CRADD: variants seen among roughly 807,000 people sequenced by gnomAD.
CRADD encodes the protein CARD and death domain containing adaptor protein, also known as death domain-containing protein CRADD.
Under a neutral mutation model 15.5 loss-of-function variants are expected in CRADD, and 9 were observed. The ratio of observed to expected loss-of-function variants is 0.58; its 90% CI spans 0.35 to 1.01. CRADD has a LOEUF of 1.01. CRADD is among the 50% of genes least tolerant of loss of function. CRADD has a pLI of 0.02. For missense variants in CRADD, 227 were observed against 250.3 expected (o/e 0.91, Z 0.63); for synonymous variants, 118 against 107.6 (o/e 1.10, Z -0.60).
intron 2 of CRADD, among the ~76,000 whole-genome samples, chr12:93,829,752 G>A (rs1410949153): frequency 6.6e-6 from 1 of 152,106 alleles, no homozygotes; most frequent in Non-Finnish European, 1.5e-5. Context: ...GAGTGCAATG[G>A]CATGATCTTG....
At chr12:93,735,583 G>A (rs968380121) in intron 2 of CRADD, 1 of 152,136 alleles carries the variant, frequency 6.6e-6, no homozygotes, top group Non-Finnish European at 1.5e-5. Flanking sequence ...CTGACTTCTT[G>A]TGTTCTTCAT....
At chr12:93,795,630 T>C (rs1957406212) in intron 2 of CRADD, among the ~76,000 whole-genome samples, 1 of 152,214 alleles carries the variant, frequency 6.6e-6, no homozygotes, top group South Asian at 2.1e-4. Context: ...TAAGACTCAC[T>C]TGTTTCTTCT....
In CRADD at chr12:93,867,399, ATATATT is replaced by A. The variant is rs1188269120; in HGVS notation, c.299-26649_299-26644del. ...CAAGTTGTATTTGACATATATATAT[ATATATT>A]TTTTAAACTTGGAAGTCCAAGATCA... On this transcript the variant is annotated intron_variant, in intron 2 of 2. Coordinates refer to the CRADD transcript ENST00000548483. Among the ~76,000 whole-genome samples, 2 of 138,266 alleles carry A rather than the reference ATATATT, an allele frequency of 1.4e-5. 1 individual carries two copies. Among genetic ancestry groups the A allele is most frequent in the Non-Finnish European group, 3.2e-5 (2 of 62,398 alleles). The allele number at this position is 138,266 out of a possible 152,430, so 90.7% of individuals were successfully genotyped here.
chr12:93,747,457 TTTC>T lies in CRADD; in HGVS notation c.298+68394_298+68396del, dbSNP rs202169638. On this transcript the variant is annotated intron_variant, in intron 2 of 2. Coordinates refer to ENST00000332896, the MANE Select transcript of CRADD (RefSeq NM_003805.5). ...TCTCTTTTTTTCCTTCCTCTTAATT[TTTC>T]TTCTTCTTTTTTTTTTTTCAGATGT... Among the ~76,000 whole-genome samples, 175 of 152,080 alleles carry T rather than the reference TTTC, an allele frequency of 1.2e-3. No individual in the cohort carries two copies. In the East Asian group the frequency reaches 0.014, roughly 12 times the overall value.
intron 2 of CRADD, among the ~76,000 whole-genome samples, chr12:93,773,104 A>G (rs552910848): frequency 1.3e-5 from 2 of 152,318 alleles, no homozygotes; most frequent in Admixed American, 1.3e-4. Flanking sequence ...AAATAGTAAT[A>G]TTTACCAGTC....
At chr12:93,697,879 G>A (rs190669083) in intron 2 of CRADD, among the ~76,000 whole-genome samples, 1 of 152,294 alleles carries the variant, frequency 6.6e-6, no homozygotes, top group East Asian at 1.9e-4. Context: ...CATGTGGATG[G>A]TTGTGGGGAA....
rs115096783 is a variant in CRADD at position 93,800,502 on chromosome 12, C to T, written c.299-49468C>T. On this transcript the variant is annotated intron_variant, in intron 2 of 2. Transcript: ENST00000332896. ...GTGGGAGATGACTGGATCATGGGGA[C>T]GGTTCCCCCATGTTGTTCTTGTGAT... is the stretch of plus-strand genomic sequence containing the variant. Among the ~76,000 whole-genome samples the T allele has an allele frequency of 9.6e-3, 1,459 of 152,166 alleles. 19 individuals carry two copies. The highest frequency in any genetic ancestry group is 0.033 in the African/African-American group (1,356 of 41,490).
At chr12:93,782,162 C>T (rs967976082) in intron 2 of CRADD, among the ~76,000 whole-genome samples, 1 of 152,048 alleles carries the variant, frequency 6.6e-6, no homozygotes, top group African/African-American at 2.4e-5. Flanking sequence ...ACTATGCAGC[C>T]ATAAAAATGA....
chr12:93,877,665 ACCTATGTTTT>A (rs1958466736), intron 2 of CRADD, among the ~76,000 whole-genome samples: 1 of 152,112 alleles, frequency 6.6e-6, no homozygotes, highest in Non-Finnish European at 1.5e-5. Flanking sequence ...CCAGACTACC[ACCTATGTTTT>A]CTTAAGGCTC....
intron 2 of CRADD, among the ~76,000 whole-genome samples, chr12:93,776,618 G>A (rs1031824884): frequency 2.0e-5 from 3 of 152,168 alleles, no homozygotes; most frequent in Non-Finnish European, 4.4e-5. Context: ...AAAAACTTGT[G>A]CATAGCAGCA....
chr12:93,693,494 CAA>C (rs1448189454), intron 2 of CRADD, among the ~76,000 whole-genome samples: 2 of 151,704 alleles, frequency 1.3e-5, no homozygotes, highest in Non-Finnish European at 2.9e-5. Context: ...TCAAAAGAGA[CAA>C]AGAGGGTCAT....
chr12:93,812,831 T>G (rs1337923032), intron 2 of CRADD, among the ~76,000 whole-genome samples: 3 of 152,232 alleles, frequency 2.0e-5, no homozygotes, highest in Non-Finnish European at 4.4e-5. Flanking sequence ...AAAATTCAGG[T>G]CTGGACTTGG....
At chr12:93,743,857 A>G (rs1030789055) in intron 2 of CRADD, among the ~76,000 whole-genome samples, 4 of 152,074 alleles carry the variant, frequency 2.6e-5, no homozygotes, top group African/African-American at 9.7e-5. Context: ...TTTTTATTTT[A>G]AAAATTCCTT....
intron 2 of CRADD, among the ~76,000 whole-genome samples, chr12:93,721,982 T>C (rs1956273864): frequency 2.0e-5 from 3 of 152,238 alleles, no homozygotes; most frequent in Admixed American, 2.0e-4. Flanking sequence ...ATTATTTTCC[T>C]TCTCTCAAAA....
intron 2 of CRADD, among the ~76,000 whole-genome samples, chr12:93,794,403 G>T (rs916206381): frequency 6.7e-6 from 1 of 149,156 alleles, no homozygotes; most frequent in Non-Finnish European, 1.5e-5. Flanking sequence ...CTCACCTCTT[G>T]GTACCCCCAT....
At chr12:93,703,345 T>G (rs1192508858) in intron 2 of CRADD, among the ~76,000 whole-genome samples, 1 of 150,928 alleles carries the variant, frequency 6.6e-6, no homozygotes, top group African/African-American at 2.5e-5. Flanking sequence ...CAAGTTTACT[T>G]TCTTTTTCTT....
chr12:93,806,850 G>C (rs1957545037), intron 2 of CRADD, among the ~76,000 whole-genome samples: 1 of 152,112 alleles, frequency 6.6e-6, no homozygotes, highest in Non-Finnish European at 1.5e-5. Context: ...CTTATATGTA[G>C]ACTTTATCCA....
chr12:93,679,193 G>C, intron 2 of CRADD, 121 bp downstream of exon 2: 2 of 748,680 alleles, frequency 2.7e-6, no homozygotes, highest in South Asian at 3.7e-5. Flanking sequence ...CCAGGCTGGA[G>C]TGCAATGGTG....
At chr12:93,812,445 T>G (rs1957639198) in intron 2 of CRADD, among the ~76,000 whole-genome samples, 1 of 150,706 alleles carries the variant, frequency 6.6e-6, no homozygotes, top group African/African-American at 2.4e-5. Flanking sequence ...GAGGCCGAGG[T>G]GGGTGGATCA....
Sources: gnomAD v4.1 joint callset for allele counts (sites outside exome capture counted in the v4.1 genomes callset) on GRCh38, gnomAD v4.1.1 for gene constraint, MANE v1.5 for transcripts, NCBI Gene and HGNC (gene_info 2026-07-23, HGNC 2026-07-21) for gene names.